Variants in TOR3A observed in about 807,000 individuals in gnomAD.
The protein encoded by TOR3A is torsin family 3 member A.
Under a neutral mutation model 42.1 loss-of-function variants are expected in TOR3A, and 44 were observed. The ratio of observed to expected loss-of-function variants is 1.04; its 90% CI spans 0.82 to 1.34. TOR3A has a LOEUF of 1.34. Among genes scored for constraint, TOR3A ranks in the 40% most tolerant of loss-of-function variants. The pLI is 0.00. For synonymous variants in TOR3A, 227 were observed against 213.2 expected (o/e 1.06, Z -0.57); for missense variants, 521 against 507.6 (o/e 1.03, Z -0.25).
intron 4 of TOR3A, chr1:179,091,768 CCCTGCCAAGGTAAACAGTGCTG>C (rs755385376): frequency 6.6e-6 from 1 of 152,504 alleles, no homozygotes; most frequent in Non-Finnish European, 1.5e-5. Flanking sequence ...GCCTTCCAGC[CCCTGCCAAGGTAAACAGTGCTG>C]CCTGCCTCCT....
rs921119886 is a variant in TOR3A, at chr1:179,094,967, G to C, written c.944-1G>C. The stretch of plus-strand genomic sequence containing the variant: ...CCATGTAACTTTGGTCTTGCTTTCA[G>C]ACAATGGCTTTGGCCACAGCCGTCT... On this transcript the variant is annotated splice_acceptor_variant, in intron 5 of 5. Transcript: ENST00000367627. LOFTEE classifies it high-confidence loss of function. The C allele has an allele frequency of 1.9e-6, 3 of 1,614,134 alleles. No individual in the cohort carries two copies. The East Asian group carries it at 6.7e-5, about 36-fold the overall frequency.
chr1:179,088,333 C>A (rs1479576609), intron 4 of TOR3A: 2 of 303,586 alleles, frequency 6.6e-6, no homozygotes, highest in Non-Finnish European at 1.2e-5. Context: ...CATAGTGAAA[C>A]CCCATCTCTA....
chr1:179,093,356 G>A (rs1421095084), intron 4 of TOR3A, among the ~76,000 whole-genome samples: 5 of 152,126 alleles, frequency 3.3e-5, no homozygotes, highest in African/African-American at 9.7e-5. Context: ...ACACTCAAAC[G>A]TGTGTAAAAC....
Position 179,082,206 on chromosome 1 carries a change from C to T in TOR3A, c.78C>T (p.Ala26=), listed in dbSNP as rs1400353384. 2 of 1,508,550 alleles carry T rather than the reference C, an allele frequency of 1.3e-6. No homozygotes were observed. Among genetic ancestry groups the T allele is most frequent in the Middle Eastern group, 2.0e-4 (1 of 4,926 alleles). 93.4% of individuals were successfully genotyped at this position (1,508,550 alleles called of 1,614,324 possible). The change falls in exon 1 of 6, where the codon GCC becomes GCT. Residue 26 remains alanine, a synonymous_variant. Coordinates refer to ENST00000367627, the MANE Select transcript of TOR3A (RefSeq NM_022371.4). ...LLPGAPEPRG[A]SRPWEGTDEP... ...CGGGCGCGCCTGAGCCCCGCGGCGC[C>T]TCCAGGCCGTGGGAGGGAACCGACG...
chr1:179,092,571 T>C (rs1195746471), intron 4 of TOR3A, among the ~76,000 whole-genome samples: 1 of 151,916 alleles, frequency 6.6e-6, no homozygotes, highest in East Asian at 1.9e-4. Flanking sequence ...CAAAAAAATT[T>C]TAAAAATAGG....
In TOR3A at chr1:179,095,992, T is replaced by TA. The variant is rs1652735726; in HGVS notation, c.*778dup. 1 of 985,082 alleles carries TA rather than the reference T, an allele frequency of 1.0e-6. No individual in the cohort carries two copies. The highest frequency in any genetic ancestry group is 1.7e-5 in the African/African-American group (1 of 57,200). The allele number at this position is 985,082 out of a possible 1,614,324, so 61.0% of individuals were successfully genotyped here. ...ATAAGATTAAAATTTTTGATTTTCCTAAAATCCTTGGCGTACTTTCTGTTT... is the reference window on the plus strand; with the variant it reads ...ATAAGATTAAAATTTTTGATTTTCCTAAAAATCCTTGGCGTACTTTCTGTTT... On this transcript the variant is annotated 3_prime_UTR_variant, in exon 6 of 6. Transcript: ENST00000367627.
At position 179,085,962 on chromosome 1, in the gene TOR3A, G is replaced by T. The variant is rs1652423952; in HGVS notation, c.639+69G>T. On this transcript the variant is annotated intron_variant, in intron 3 of 5. Transcript: ENST00000367627. The stretch of plus-strand genomic sequence containing the variant: ...GAGACCCTTCTGCCAGCCCTTCCTT[G>T]CAAGGAAATGGGCTCTGGAGAAGCC... The T allele has an allele frequency of 4.5e-6, 7 of 1,560,636 alleles. No individual in the cohort carries two copies. The African/African-American group carries it at 6.7e-5, about 15-fold the overall frequency.
intron 1 of TOR3A, 48 bp downstream of exon 1, chr1:179,082,435 G>C (rs773419116): frequency 1.3e-5 from 20 of 1,556,542 alleles, no homozygotes; most frequent in East Asian, 4.6e-5. Flanking sequence ...AGCAGAGTGC[G>C]ATCCGGGCGC....
At chr1:179,082,719 C>T (rs767528375) in intron 1 of TOR3A, 1 of 703,522 alleles carries the variant, frequency 1.4e-6, no homozygotes, top group South Asian at 1.5e-5. Flanking sequence ...CTCTTGACAG[C>T]TCTAGGGAAC....
rs367964789 is a variant in TOR3A at position 179,085,696 on chromosome 1, G to A, written c.442G>A (p.Val148Met). The A allele has an allele frequency of 1.9e-6, 3 of 1,614,134 alleles. No individual in the cohort carries two copies. The highest frequency in any genetic ancestry group is 1.3e-5 in the African/African-American group (1 of 74,954). ...HLVQQLVLRT[V>M]RGYLETPQPE... The stretch of plus-strand genomic sequence containing the variant: ...GGTCCAGCAGCTGGTCCTAAGAACA[G>A]TGAGGGGCTACTTAGAGACGCCCCA... Residue 148 changes from valine to methionine, a missense_variant, in exon 3 of 6, where the codon GTG (valine) becomes ATG (methionine). Val to Met is a conservative substitution (Grantham distance 21). Coordinates refer to ENST00000367627, the MANE Select transcript of TOR3A (RefSeq NM_022371.4).
chr1:179,083,102 G>A (rs1235927409), intron 2 of TOR3A, 49 bp downstream of exon 2: 2 of 1,179,388 alleles, frequency 1.7e-6, no homozygotes, highest in African/African-American at 1.6e-5. Context: ...GGGGAGGGGA[G>A]GCAGTCCAGG....
At chr1:179,090,408 G>A (rs768349314) in intron 4 of TOR3A, among the ~76,000 whole-genome samples, 18 of 152,202 alleles carry the variant, frequency 1.2e-4, no homozygotes, top group Non-Finnish European at 1.5e-5. Flanking sequence ...TGTTGATATT[G>A]GAGTCTCTGG....
chr1:179,082,605 C>A, intron 1 of TOR3A: 1 of 736,904 alleles, frequency 1.4e-6, no homozygotes, highest in South Asian at 1.6e-5. Context: ...CCCCCTGGCG[C>A]CCGGCTTCCC....
At chr1:179,082,722 T>C in intron 1 of TOR3A, 1 of 703,260 alleles carries the variant, frequency 1.4e-6, no homozygotes, top group Non-Finnish European at 2.6e-6. Context: ...TTGACAGCTC[T>C]AGGGAACGTC....
chr1:179,082,270 C>T lies in TOR3A; in HGVS notation c.142C>T (p.Leu48=). 1 of 1,564,770 alleles carries T rather than the reference C, an allele frequency of 6.4e-7. No individual in the cohort carries two copies. The highest frequency in any genetic ancestry group is 8.6e-7 in the Non-Finnish European group (1 of 1,161,994). The change falls in exon 1 of 6, where the codon CTG becomes TTG. Residue 48 remains leucine (L), a synonymous_variant. Transcript: ENST00000367627. ...CTGGGCCTGGCCGGGCTTCCAGCGC[C>T]TGCAGGAGCAGCTCAGGGCGGCGGG... ...SAWAWPGFQR[L]QEQLRAAGAL...
chr1:179,094,905 C>G (rs965533915), intron 5 of TOR3A, 63 bp from the exon 6 acceptor site: 2 of 1,542,056 alleles, frequency 1.3e-6, no homozygotes, highest in African/African-American at 1.4e-5. Context: ...CCCCCACCCC[C>G]GCTAAATTCC....
rs1321168221 is a variant in TOR3A at position 179,084,070 on chromosome 1, C to G, written c.373+1017C>G. Among the ~76,000 whole-genome samples the G allele has an allele frequency of 2.6e-5, 4 of 152,276 alleles. No individual in the cohort carries two copies. The South Asian group carries it at 8.3e-4, about 32-fold the overall frequency. ...GGATAAGACCCTAGGTAGCAATTAG[C>G]AAGTTACTTTCTGTCCTCAACATGC... On this transcript the variant is annotated intron_variant, in intron 2 of 5. Coordinates refer to ENST00000367627, the MANE Select transcript of TOR3A (RefSeq NM_022371.4).
At chr1:179,091,008 AATGAG>A (rs1192045404) in intron 4 of TOR3A, among the ~76,000 whole-genome samples, 1 of 152,188 alleles carries the variant, frequency 6.6e-6, no homozygotes, top group African/African-American at 2.4e-5. Flanking sequence ...CCTGTTGACT[AATGAG>A]AGGACAGCTT....
chr1:179,083,912 A>AC (rs902968323), intron 2 of TOR3A, among the ~76,000 whole-genome samples: 66 of 152,226 alleles, frequency 4.3e-4, no homozygotes, highest in African/African-American at 1.6e-3. Flanking sequence ...AATGAGGCCC[A>AC]CCCCAGATAT....
Sources: allele counts gnomAD v4.1 joint callset (sites outside exome capture counted in the v4.1 genomes callset), GRCh38; gene constraint gnomAD v4.1.1; transcripts MANE v1.5; gene names NCBI Gene and HGNC (gene_info 2026-07-23, HGNC 2026-07-21).